Variants in CHRNB2 observed in about 807,000 individuals in gnomAD.
CHRNB2 encodes cholinergic receptor nicotinic beta 2 subunit, also known as neuronal acetylcholine receptor subunit beta-2.
Under a neutral mutation model 42.7 loss-of-function variants are expected in CHRNB2, and 33 were observed. That is an observed-to-expected ratio of 0.77 (90% CI 0.59 to 1.03). The LOEUF (loss-of-function observed/expected upper bound fraction) is 1.03. CHRNB2 is among the 50% of genes least tolerant of loss of function. The pLI is 0.00. For synonymous variants in CHRNB2, 325 were observed against 292.9 expected, an observed-to-expected ratio of 1.11 and a Z score of -1.12; for missense variants, 603 against 700.9, an observed-to-expected ratio of 0.86 and a Z score of 1.58.
At chr1:154,568,810 C>T (rs564804229) in intron 1 of CHRNB2, among the ~76,000 whole-genome samples, 2 of 151,934 alleles carry the variant, frequency 1.3e-5, no homozygotes, top group Non-Finnish European at 2.9e-5. Context: ...TAGGGGTGGG[C>T]TGCTGTGTGT....
Position 154,567,826 on chromosome 1 carries a change from G to A in CHRNB2, c.-219G>A. The A allele has an allele frequency of 2.2e-6, 1 of 449,126 alleles. No homozygotes were observed. The highest frequency in any genetic ancestry group is 3.9e-6 in the Non-Finnish European group (1 of 257,868). 27.8% of individuals were successfully genotyped at this position (449,126 alleles called of 1,614,324 possible). On this transcript the variant is annotated 5_prime_UTR_variant, in exon 1 of 6. Transcript: ENST00000368476. Reference sequence around the variant, plus strand: ...AATTGTATTCCCTGGAAGAGCAGCCGGAAAAGCCTCCGCCTGCTCATACCA... The same window carrying A: ...AATTGTATTCCCTGGAAGAGCAGCCAGAAAAGCCTCCGCCTGCTCATACCA...
intron 5 of CHRNB2, among the ~76,000 whole-genome samples, chr1:154,573,931 G>T (rs1284874757): frequency 6.6e-6 from 1 of 151,990 alleles, no homozygotes; most frequent in East Asian, 1.9e-4. Context: ...TGTATTTTTA[G>T]TAGAGACGGG....
At position 154,571,646 on chromosome 1, in the gene CHRNB2, G is replaced by A. The variant is rs775960753; in HGVS notation, c.823G>A (p.Ala275Thr). ...GACGTTGTGCATCTCAGTGCTGCTG[G>A]CGCTCACGGTCTTCCTGCTGCTCAT... ...KMTLCISVLL[A>T]LTVFLLLISK... Residue 275 changes from alanine (A) to threonine (T), a missense_variant, in exon 5 of 6, where the codon GCG becomes ACG. Around this residue, in one of 2 missense-constraint regions of CHRNB2, gnomAD observed 333 missense variants for 452.6 expected, o/e 0.74. Coordinates refer to ENST00000368476, the MANE Select transcript of CHRNB2 (RefSeq NM_000748.3). This position sits in a 1 kb window ranked among gnomAD's most constrained non-coding sequence, Gnocchi z 6.8. The A allele has an allele frequency of 6.2e-7, 1 of 1,614,224 alleles. No individual in the cohort carries two copies. Among genetic ancestry groups the A allele is most frequent in the South Asian group, 1.1e-5 (1 of 91,084 alleles).
intron 3 of CHRNB2, 142 bp downstream of exon 3, chr1:154,569,978 T>C: frequency 1.1e-6 from 1 of 924,168 alleles, no homozygotes; most frequent in Non-Finnish European, 1.7e-6. Flanking sequence ...ATTTGAATCT[T>C]GGCACTCACC....
rs187121573 is a variant in CHRNB2, at chr1:154,572,886, T to C, written c.1338+725T>C. ...GGTTCCCTGAGAGCTTCTTTGAGAC[T>C]GAGCCAAGAGTTGGGGGGAGATATG... is the stretch of plus-strand genomic sequence containing the variant. On this transcript the variant is annotated intron_variant, in intron 5 of 5. Transcript: ENST00000368476. Among the ~76,000 whole-genome samples the C allele has an allele frequency of 3.4e-3, 513 of 152,250 alleles. 2 individuals carry two copies. The highest frequency in any genetic ancestry group is 0.012 in the African/African-American group (482 of 41,542).
At position 154,576,768 on chromosome 1, in the gene CHRNB2, G is replaced by C. The variant is rs1265269329; in HGVS notation, c.*836G>C. On this transcript the variant is annotated 3_prime_UTR_variant, in exon 6 of 6. Transcript: ENST00000368476. Reference sequence around the variant, plus strand: ...AATCTGTGAGAAGTCCAAGTTCATGGGCTTTTGGAACTGGAAGAACTTTGT... The same window carrying C: ...AATCTGTGAGAAGTCCAAGTTCATGCGCTTTTGGAACTGGAAGAACTTTGT... 1 of 152,216 alleles carries C rather than the reference G, an allele frequency of 6.6e-6. No individual in the cohort carries two copies. Among genetic ancestry groups the C allele is most frequent in the Non-Finnish European group, 1.5e-5 (1 of 68,090 alleles). 9.4% of individuals were successfully genotyped at this position (152,216 alleles called of 1,614,324 possible). A position where few individuals can be genotyped will look rare whatever the true frequency, so the allele number is the denominator to read the frequency against.
In CHRNB2 at chr1:154,571,448, CCGGGCCGG is replaced by C; in HGVS notation, c.628_635del (p.Gly210GlnfsTer15). ...TGGTGAGTGGGACATCGTGGCGCTGCCGGGCCGGCGCAACGAGAACCCCGACGACTCTA... is the reference window on the plus strand; with the variant it reads ...TGGTGAGTGGGACATCGTGGCGCTGCCGCAACGAGAACCCCGACGACTCTA... On this transcript the variant is annotated frameshift_variant, in exon 5 of 6. Coordinates refer to ENST00000368476, the MANE Select transcript of CHRNB2 (RefSeq NM_000748.3). LOFTEE classifies it high-confidence loss of function. The surrounding 1 kb of genome is among the most constrained non-coding windows in gnomAD (Gnocchi z 6.8). The C allele has an allele frequency of 1.9e-6, 3 of 1,614,140 alleles. No homozygotes were observed. The highest frequency in any genetic ancestry group is 2.5e-6 in the Non-Finnish European group (3 of 1,180,036).
In CHRNB2 at chr1:154,578,965, AAAG is replaced by A. The variant is rs1696335294; in HGVS notation, c.*3037_*3039del. On this transcript the variant is annotated 3_prime_UTR_variant, in exon 6 of 6. Transcript: ENST00000368476. ...TGATCTGAGAACTATTTTTGTCTGA[AAAG>A]AAGGCATGCACAGGCTCTCTGCTTT... 1 of 152,228 alleles carries A rather than the reference AAAG, an allele frequency of 6.6e-6. No individual in the cohort carries two copies. Among genetic ancestry groups the A allele is most frequent in the Non-Finnish European group, 1.5e-5 (1 of 68,050 alleles). 9.4% of individuals were successfully genotyped at this position (152,228 alleles called of 1,614,324 possible).
At chr1:154,574,520 C>T (rs965452187) in intron 5 of CHRNB2, among the ~76,000 whole-genome samples, 15 of 151,772 alleles carry the variant, frequency 9.9e-5, no homozygotes, top group African/African-American at 3.4e-4. Flanking sequence ...AATGTCCCTC[C>T]GTGTGGGTTT....
At position 154,567,981 on chromosome 1, in the gene CHRNB2, G is replaced by C; in HGVS notation, c.-64G>C. 1 of 1,426,504 alleles carries C rather than the reference G, an allele frequency of 7.0e-7. No homozygotes were observed. Among genetic ancestry groups the C allele is most frequent in the Middle Eastern group, 2.4e-4 (1 of 4,232 alleles). 88.4% of individuals were successfully genotyped at this position (1,426,504 alleles called of 1,614,324 possible). A position where few individuals can be genotyped will look rare whatever the true frequency, so the allele number is the denominator to read the frequency against. ...CAGCACCACGGACAGCGCCCCACCCGCGGCCCTCCCCCCGGCGGCGCGCTC... is the reference window on the plus strand; with the variant it reads ...CAGCACCACGGACAGCGCCCCACCCCCGGCCCTCCCCCCGGCGGCGCGCTC... On this transcript the variant is annotated 5_prime_UTR_variant, in exon 1 of 6. Coordinates refer to ENST00000368476, the MANE Select transcript of CHRNB2 (RefSeq NM_000748.3).
rs1009913013 is a variant in CHRNB2 at position 154,576,037 on chromosome 1, C to T, written c.*105C>T. ...GCTACCAGGAAGAGGGGCGCTGCCC[C>T]CACAGATCCATCCTTTTGCTTCATC... On this transcript the variant is annotated 3_prime_UTR_variant, in exon 6 of 6. Transcript: ENST00000368476. 14 of 1,422,044 alleles carry T rather than the reference C, an allele frequency of 9.8e-6. No individual in the cohort carries two copies. The highest frequency in any genetic ancestry group is 1.7e-5 in the Admixed American group (1 of 59,154). 88.1% of individuals were successfully genotyped at this position (1,422,044 alleles called of 1,614,324 possible).
intron 5 of CHRNB2, among the ~76,000 whole-genome samples, chr1:154,574,576 TCA>T (rs144836358): frequency 0.048 from 7,299 of 152,228 alleles, 579 homozygotes; most frequent in African/African-American, 0.17. Flanking sequence ...TGGTTCTCTC[TCA>T]CTCATCAGAC....
Position 154,571,976 on chromosome 1 carries a change from G to A in CHRNB2, c.1153G>A (p.Asp385Asn), listed in dbSNP as rs932622161. The stretch of plus-strand genomic sequence containing the variant: ...CTTCTTCCGCGAAGCCCCAGGGGCC[G>A]ACTCCTGCACGTGCTTCGTCAACCG... The part of the protein sequence containing the change: ...ALFFREAPGA[D>N]SCTCFVNRAS... The change falls in exon 5 of 6, where the codon GAC becomes AAC. Residue 385 changes from aspartate (D) to asparagine (N), a missense_variant. Physicochemically the swap from Asp to Asn is conservative, Grantham distance 23 (BLOSUM62 1). This residue lies in a region of CHRNB2 where 270 missense variants were observed against 248.3 expected (regional missense o/e 1.09). Transcript: ENST00000368476. The surrounding 1 kb of genome is among the most constrained non-coding windows in gnomAD (Gnocchi z 6.8). 28 of 1,539,008 alleles carry A rather than the reference G, an allele frequency of 1.8e-5. No individual in the cohort carries two copies. Among genetic ancestry groups the A allele is most frequent in the Non-Finnish European group, 2.3e-5 (26 of 1,147,396 alleles).
At chr1:154,569,727 C>T in intron 2 of CHRNB2, 65 bp from the exon 3 acceptor site, 1 of 1,612,922 alleles carries the variant, frequency 6.2e-7, no homozygotes, top group Non-Finnish European at 8.5e-7. Context: ...GAGAGGGACC[C>T]TGGGTGGTGG....
intron 2 of CHRNB2, 41 bp from the exon 3 acceptor site, chr1:154,569,751 G>T: frequency 6.2e-7 from 1 of 1,614,046 alleles, no homozygotes; most frequent in Non-Finnish European, 8.5e-7. Flanking sequence ...TGACCCCACA[G>T]GCTTAGGGGC....
At chr1:154,573,829 A>G (rs543924606) in intron 5 of CHRNB2, among the ~76,000 whole-genome samples, 140 of 152,252 alleles carry the variant, frequency 9.2e-4, no homozygotes, top group African/African-American at 3.3e-3. Flanking sequence ...GCTCACTGCA[A>G]TCTCCGCCTC....
At chr1:154,574,395 A>T (rs1256962107) in intron 5 of CHRNB2, among the ~76,000 whole-genome samples, 1 of 152,110 alleles carries the variant, frequency 6.6e-6, no homozygotes, top group Admixed American at 6.5e-5. Flanking sequence ...CCTCATCCTA[A>T]TCCAGGGTCT....
At chr1:154,570,114 C>A (rs1696134634) in intron 3 of CHRNB2, 144 bp from the exon 4 acceptor site, 9 of 723,074 alleles carry the variant, frequency 1.2e-5, no homozygotes, top group Non-Finnish European at 2.5e-6. Context: ...TGAGCCATAC[C>A]TGATGGGCAG....
chr1:154,572,119 C>T lies in CHRNB2; in HGVS notation c.1296C>T (p.Arg432=). ...CGLREAVDGV[R]FIADHMRSED... is the part of the protein sequence containing the mutation. ...TCCGGGAGGCGGTGGACGGCGTGCG[C>T]TTCATCGCAGACCACATGCGGAGCG... is the stretch of plus-strand genomic sequence containing the variant. Residue 432 remains arginine, a synonymous_variant, in exon 5 of 6, where the codon CGC becomes CGT. Coordinates refer to ENST00000368476, the MANE Select transcript of CHRNB2 (RefSeq NM_000748.3). The T allele has an allele frequency of 6.5e-7, 1 of 1,537,652 alleles. No homozygotes were observed.
Sources: allele counts gnomAD v4.1 joint callset (sites outside exome capture counted in the v4.1 genomes callset), GRCh38; gene constraint gnomAD v4.1.1; regional missense constraint gnomAD v4.1.1; non-coding constraint Gnocchi (gnomAD v3.1); transcripts MANE v1.5; gene names NCBI Gene and HGNC (gene_info 2026-07-23, HGNC 2026-07-21).